The following ARSH variants were observed in gnomAD, a reference collection of about 807,000 sequenced individuals.
ARSH encodes arylsulfatase family member H, also known as arylsulfatase H.
In ARSH, 32 loss-of-function variants were observed where a neutral mutation model predicts 28.7. The observed-to-expected ratio is 1.11, with a 90% CI of 0.84 to 1.50. The LOEUF (loss-of-function observed/expected upper bound fraction) is 1.50, where lower values mean the gene tolerates loss of function less well. Among genes scored for constraint, ARSH ranks in the 40% most tolerant of loss-of-function variants. ARSH has a pLI of 0.00. For missense variants in ARSH, 440 were observed against 452.4 expected (o/e 0.97, Z 0.25); for synonymous variants, 176 against 177.3 (o/e 0.99, Z 0.06).
intron 6 of ARSH, 115 bp downstream of exon 6, chrX:3,024,270 C>T (rs878948325): frequency 2.5e-6 from 2 of 790,039 alleles, no homozygotes; most frequent in South Asian, 4.6e-5. Context: ...GTGAGTTAGA[C>T]TCTTATTAAG....
chrX:3,012,638 G>GA (rs2089854145), intron 2 of ARSH, among the ~76,000 whole-genome samples: 1 of 66,141 alleles, frequency 1.5e-5, no homozygotes, highest in Non-Finnish European at 2.6e-5. Context: ...ACACACATAT[G>GA]AAAAAGAAAT....
chrX:3,024,233 T>C lies in ARSH; in HGVS notation c.1036+78T>C, dbSNP rs1334064068. ...TTGGCTTTGTGTTTGCTTGAATTCA[T>C]TTGCCATGATGTTCAGATATTTTGA... On this transcript the variant is annotated intron_variant, in intron 6 of 8. Coordinates refer to ENST00000381130, the MANE Select transcript of ARSH (RefSeq NM_001011719.2). 4 of 975,282 alleles carry C rather than the reference T, an allele frequency of 4.1e-6. No homozygotes were observed. In the African/African-American group the frequency reaches 7.9e-5, roughly 19 times the overall value. 80.4% of individuals were successfully genotyped at this position (975,282 alleles called of 1,213,427 possible).
intron 7 of ARSH, among the ~76,000 whole-genome samples, chrX:3,028,543 T>C (rs2089904881): frequency 9.0e-6 from 1 of 110,835 alleles, no homozygotes; most frequent in African/African-American, 3.3e-5. Context: ...AAATACATCC[T>C]GTGCTTTAAC....
rs144420500 is a variant in ARSH, at chrX:3,033,895, G to A, written c.*510G>A. Among the ~76,000 whole-genome samples, 2,182 of 111,022 alleles carry A rather than the reference G, an allele frequency of 0.02. 56 individuals are homozygous for A. The highest frequency in any genetic ancestry group is 0.068 in the African/African-American group (2,074 of 30,477). ...CTTCTTTTCTCTTCCTGTCCGATAC[G>A]CATCTGGTTATGAGAAAAAATGCTG... is the stretch of plus-strand genomic sequence containing the variant. On this transcript the variant is annotated 3_prime_UTR_variant, in exon 9 of 9. Transcript: ENST00000381130.
intron 8 of ARSH, 35 bp downstream of exon 8, chrX:3,029,403 A>G: frequency 8.4e-7 from 1 of 1,188,986 alleles, no homozygotes; most frequent in Admixed American, 2.2e-5. Flanking sequence ...TGGAAAGACG[A>G]TAAGGGCCCG....
In ARSH at chrX:3,006,602, A is replaced by C. The variant is rs747513239; in HGVS notation, c.-11A>C. 12 of 1,204,549 alleles carry C rather than the reference A, an allele frequency of 1.0e-5. No individual in the cohort carries two copies. The highest frequency in any genetic ancestry group is 4.4e-5 in the Admixed American group (2 of 45,539). On this transcript the variant is annotated 5_prime_UTR_variant, in exon 1 of 9. An upstream start codon of the reference 5' UTR is lost. Transcript: ENST00000381130. ...CTGTGCTGTTTGTTTTGCGGTGTTG[A>C]TGGCACATTTATGACAAGAAACGCC...
chrX:3,024,570 G>A (rs2089893760), intron 6 of ARSH, among the ~76,000 whole-genome samples: 1 of 111,212 alleles, frequency 9.0e-6, no homozygotes, highest in Non-Finnish European at 1.9e-5. Flanking sequence ...ATATTGCCCA[G>A]TGTCCCCTGG....
At position 3,020,313 on chromosome X, in the gene ARSH, A is replaced by G. The variant is rs1359452897; in HGVS notation, c.901+1643A>G. Among the ~76,000 whole-genome samples, 52 of 90,649 alleles carry G rather than the reference A, an allele frequency of 5.7e-4. 1 individual carries two copies. In the South Asian group the frequency reaches 0.017, roughly 29 times the overall value. The allele number at this position is 90,649 out of a possible 115,157, so 78.7% of individuals were successfully genotyped here. ...AAAAAAAAAAAAAAAAAAGAGGCCGAGTGCGGTGGCTCACGCCTGTAATCC... is the reference window on the plus strand; with the variant it reads ...AAAAAAAAAAAAAAAAAAGAGGCCGGGTGCGGTGGCTCACGCCTGTAATCC... On this transcript the variant is annotated intron_variant, in intron 5 of 8. Coordinates refer to ENST00000381130, the MANE Select transcript of ARSH (RefSeq NM_001011719.2).
At chrX:3,028,338 G>C (rs994718742) in intron 7 of ARSH, among the ~76,000 whole-genome samples, 19 of 109,354 alleles carry the variant, frequency 1.7e-4, no homozygotes, top group African/African-American at 5.3e-4. Flanking sequence ...AGCCTCCTGA[G>C]TAGCTGGGAC....
intron 4 of ARSH, 64 bp downstream of exon 4, chrX:3,015,457 A>T: frequency 9.4e-7 from 1 of 1,059,681 alleles, no homozygotes; most frequent in Non-Finnish European, 1.3e-6. Flanking sequence ...ATAGGAGGTC[A>T]TCACACCTTG....
At chrX:3,008,477 C>CTT (rs1450436663) in intron 1 of ARSH, among the ~76,000 whole-genome samples, 2 of 99,097 alleles carry the variant, frequency 2.0e-5, no homozygotes, top group African/African-American at 7.5e-5. Context: ...TTCTTTCTTT[C>CTT]TTTCTTTCTT....
intron 5 of ARSH, among the ~76,000 whole-genome samples, chrX:3,020,544 G>A (rs1226988686): frequency 1.5e-4 from 14 of 91,726 alleles, no homozygotes; most frequent in East Asian, 1.1e-3. Context: ...AGCCGAGATT[G>A]TGCCACTGCA....
chrX:3,027,039 C>T (rs1338143655), intron 6 of ARSH, among the ~76,000 whole-genome samples: 1 of 110,217 alleles, frequency 9.1e-6, no homozygotes, highest in African/African-American at 3.3e-5. Context: ...CTCACCACAA[C>T]CTTCGCCTCC....
chrX:3,016,745 T>C (rs2089867520), intron 4 of ARSH, among the ~76,000 whole-genome samples: 1 of 110,739 alleles, frequency 9.0e-6, no homozygotes, highest in Non-Finnish European at 1.9e-5. Flanking sequence ...ACCCAGTTAA[T>C]TTTATAAAAT....
chrX:3,030,925 G>A (rs1278492753), intron 8 of ARSH, among the ~76,000 whole-genome samples: 3 of 110,169 alleles, frequency 2.7e-5, no homozygotes, highest in African/African-American at 6.6e-5. Flanking sequence ...CAAGGTAGGA[G>A]GATTATTTGA....
At chrX:3,023,212 GAC>G (rs954077236) in intron 5 of ARSH, among the ~76,000 whole-genome samples, 1 of 99,074 alleles carries the variant, frequency 1.0e-5, no homozygotes, top group East Asian at 3.0e-4. Context: ...AGTAATATGT[GAC>G]ACATATCATT....
At chrX:3,028,771 G>A in intron 7 of ARSH, among the ~76,000 whole-genome samples, 1 of 111,150 alleles carries the variant, frequency 9.0e-6, no homozygotes, top group East Asian at 2.8e-4. Flanking sequence ...TGAGGGAAAA[G>A]GAGAAAGTTT....
intron 5 of ARSH, among the ~76,000 whole-genome samples, chrX:3,021,500 T>C (rs944427055): frequency 4.5e-5 from 5 of 111,437 alleles, no homozygotes; most frequent in African/African-American, 1.6e-4. Context: ...TCTCTGTGGG[T>C]ATTATTTTAC....
At chrX:3,020,988 A>G (rs180724520) in intron 5 of ARSH, among the ~76,000 whole-genome samples, 6 of 111,925 alleles carry the variant, frequency 5.4e-5, no homozygotes, top group African/African-American at 1.6e-4. Context: ...GTTTATATGT[A>G]TACACAAGTT....
Sources: allele counts gnomAD v4.1 joint callset (sites outside exome capture counted in the v4.1 genomes callset), GRCh38; gene constraint gnomAD v4.1.1; transcripts MANE v1.5; gene names NCBI Gene and HGNC (gene_info 2026-07-23, HGNC 2026-07-21).